Variants in GPM6A observed in about 807,000 individuals in gnomAD.
GPM6A encodes glycoprotein M6A, also known as neuronal membrane glycoprotein M6-a.
A neutral mutation model predicts 32.1 loss-of-function variants in GPM6A; 7 were observed. The observed-to-expected ratio is 0.22, with a 90% CI of 0.12 to 0.41. The LOEUF is 0.41. Ranked by LOEUF, GPM6A falls within the 10% of genes least tolerant of loss-of-function variation. The pLI is 1.00. For synonymous variants in GPM6A, 130 were observed against 123.4 expected (o/e 1.05, Z -0.35); for missense variants, 235 against 347.2 (o/e 0.68, Z 2.57).
At chr4:175,970,465 T>G (rs1740467551) in intron 1 of GPM6A, among the ~76,000 whole-genome samples, 1 of 152,192 alleles carries the variant, frequency 6.6e-6, no homozygotes, top group Non-Finnish European at 1.5e-5. Flanking sequence ...TTTGGTTTGT[T>G]CGTGTGTGTG....
intron 1 of GPM6A, among the ~76,000 whole-genome samples, chr4:175,858,531 CAAA>C (rs527607150): frequency 1.8e-5 from 2 of 110,966 alleles, no homozygotes; most frequent in Non-Finnish European, 1.9e-5. Flanking sequence ...AACTCTGTTT[CAAA>C]AAAAAAAAAA....
intron 1 of GPM6A, among the ~76,000 whole-genome samples, chr4:175,743,972 AC>A (rs1731993974): frequency 6.7e-6 from 1 of 149,470 alleles, no homozygotes; most frequent in African/African-American, 2.4e-5. Context: ...AAAAAAAAAA[AC>A]AAAAGGTCAA....
At chr4:175,644,786 C>T (rs960975407) in intron 4 of GPM6A, among the ~76,000 whole-genome samples, 2 of 152,036 alleles carry the variant, frequency 1.3e-5, no homozygotes, top group Non-Finnish European at 2.9e-5. Flanking sequence ...TCAGTTTCTT[C>T]AAAGCAATTA....
chr4:175,767,261 C>T (rs1733009414), intron 1 of GPM6A, among the ~76,000 whole-genome samples: 1 of 152,134 alleles, frequency 6.6e-6, no homozygotes, highest in African/African-American at 2.4e-5. Context: ...GATGGAATAG[C>T]TCTTGAAAGC....
chr4:175,821,263 T>C (rs1473749073), intron 1 of GPM6A, among the ~76,000 whole-genome samples: 1 of 152,202 alleles, frequency 6.6e-6, no homozygotes, highest in African/African-American at 2.4e-5. Context: ...TTTCTTGCAA[T>C]TAGCCAATGA....
chr4:175,934,471 A>G (rs1172310109), intron 1 of GPM6A, among the ~76,000 whole-genome samples: 3 of 152,190 alleles, frequency 2.0e-5, no homozygotes. Flanking sequence ...ACTCTAAAAT[A>G]TAACCCAAAT....
chr4:175,677,763 T>C (rs546261966), intron 2 of GPM6A, among the ~76,000 whole-genome samples: 2 of 152,202 alleles, frequency 1.3e-5, no homozygotes, highest in East Asian at 3.9e-4. Context: ...TAAATAAATA[T>C]TTTAGAAAAG....
At chr4:175,717,312 G>A (rs1560893456) in intron 1 of GPM6A, among the ~76,000 whole-genome samples, 1 of 152,166 alleles carries the variant, frequency 6.6e-6, no homozygotes, top group Non-Finnish European at 1.5e-5. Context: ...CCATGAAAGA[G>A]AACACTACTT....
At chr4:175,813,231 G>A (rs1413434114), upstream of GPM6A, 1 of 226,470 alleles carries the variant, frequency 4.4e-6, no homozygotes, top group African/African-American at 2.3e-5. Flanking sequence ...GAAGAGTGAT[G>A]TAAGGGAGGA....
At chr4:175,680,986 T>C (rs576201131) in intron 2 of GPM6A, among the ~76,000 whole-genome samples, 1 of 152,350 alleles carries the variant, frequency 6.6e-6, no homozygotes, top group East Asian at 1.9e-4. Flanking sequence ...TTACACACTA[T>C]CATTTATTCA....
intron 1 of GPM6A, among the ~76,000 whole-genome samples, chr4:175,799,046 A>G (rs1734353792): frequency 6.6e-6 from 1 of 152,198 alleles, no homozygotes; most frequent in African/African-American, 2.4e-5. Flanking sequence ...CTTAAAATAT[A>G]CGAGTCTACC....
intron 1 of GPM6A, among the ~76,000 whole-genome samples, chr4:175,915,706 A>G (rs1738472001): frequency 6.6e-6 from 1 of 152,202 alleles, no homozygotes; most frequent in Non-Finnish European, 1.5e-5. Flanking sequence ...AATCAGTACA[A>G]CAATATTATT....
chr4:175,774,362 C>T (rs1733310953), intron 1 of GPM6A, among the ~76,000 whole-genome samples: 1 of 152,030 alleles, frequency 6.6e-6, no homozygotes, highest in South Asian at 2.1e-4. Flanking sequence ...CATTAATAAG[C>T]ATATTAATCT....
At chr4:175,971,554 C>A (rs971970630) in intron 1 of GPM6A, among the ~76,000 whole-genome samples, 1 of 152,136 alleles carries the variant, frequency 6.6e-6, no homozygotes, top group Non-Finnish European at 1.5e-5. Context: ...TCCTTTATAT[C>A]TCTCTCCAAC....
chr4:175,908,845 TG>T (rs1738215280), intron 1 of GPM6A, among the ~76,000 whole-genome samples: 1 of 152,064 alleles, frequency 6.6e-6, no homozygotes, highest in Non-Finnish European at 1.5e-5. Flanking sequence ...TTTCTCATAT[TG>T]TATTGGGCTT....
intron 1 of GPM6A, among the ~76,000 whole-genome samples, chr4:175,702,175 T>C (rs866111172): frequency 1.3e-5 from 2 of 152,342 alleles, no homozygotes; most frequent in Middle Eastern, 3.4e-3. Context: ...TTTTTCTTTT[T>C]TTGTAACAGA....
At chr4:175,661,285 T>G (rs576610433) in intron 3 of GPM6A, among the ~76,000 whole-genome samples, 14 of 151,938 alleles carry the variant, frequency 9.2e-5, no homozygotes, top group Non-Finnish European at 1.9e-4. Context: ...AACATAAAAA[T>G]TAGCCAGGTG....
At chr4:175,740,846 G>T (rs985009712) in intron 1 of GPM6A, among the ~76,000 whole-genome samples, 12 of 151,934 alleles carry the variant, frequency 7.9e-5, no homozygotes, top group African/African-American at 2.9e-4. Flanking sequence ...TGGATGAAAG[G>T]CATTTTTAAG....
chr4:175,879,199 C>T (rs2111453688), intron 1 of GPM6A, among the ~76,000 whole-genome samples: 1 of 152,286 alleles, frequency 6.6e-6, no homozygotes, highest in East Asian at 1.9e-4. Context: ...AGGTAGCAAA[C>T]TTTCCCATGT....
Sources: allele counts gnomAD v4.1 joint callset (sites outside exome capture counted in the v4.1 genomes callset), GRCh38; gene constraint gnomAD v4.1.1; transcripts MANE v1.5; gene names NCBI Gene and HGNC (gene_info 2026-07-23, HGNC 2026-07-21).